Variants in KLF8 observed in about 807,000 individuals in gnomAD.
KLF8 encodes the protein Krueppel-like factor 8.
A neutral mutation model predicts 18.2 loss-of-function variants in KLF8; 10 were observed. The observed-to-expected ratio is 0.55, with a 90% CI of 0.34 to 0.93. The LOEUF (loss-of-function observed/expected upper bound fraction) is 0.93. Among genes scored for constraint, KLF8 ranks in the 40% least tolerant of loss-of-function variants. The pLI is 0.02. For synonymous variants in KLF8, 109 were observed against 97.3 expected, an observed-to-expected ratio of 1.12 and a Z score of -0.71; for missense variants, 264 against 277.9, an observed-to-expected ratio of 0.95 and a Z score of 0.36.
the KLF8 span, among the ~76,000 whole-genome samples, chrX:56,049,462 A>T: frequency 4.5e-4 from 49 of 110,098 alleles, no homozygotes; most frequent in Middle Eastern, 9.3e-3. Context: ...ATCTATTGAG[A>T]GTTTTTAGCA....
At chrX:55,981,054 TTGG>T in the KLF8 span, among the ~76,000 whole-genome samples, 2 of 111,483 alleles carry the variant, frequency 1.8e-5, no homozygotes, top group Non-Finnish European at 3.8e-5. Context: ...ATAGCCAGGC[TTGG>T]TGGCGTGTGC....
chrX:56,269,608 A>G lies in KLF8; in HGVS notation c.758+119A>G, dbSNP rs2067024846. 2 of 1,021,061 alleles carry G rather than the reference A, an allele frequency of 2.0e-6. 1 individual carries two copies. Among genetic ancestry groups the G allele is most frequent in the Non-Finnish European group, 2.5e-6 (2 of 799,360 alleles). 84.1% of individuals were successfully genotyped at this position (1,021,061 alleles called of 1,213,427 possible). ...CAGACACAAGAGTAAGAATTTGAGG[A>G]CAAGAAATATAGGGAGACTGCCTTT... On this transcript the variant is annotated intron_variant, in intron 4 of 5. Transcript: ENST00000468660.
the KLF8 span, among the ~76,000 whole-genome samples, chrX:56,175,145 A>G: frequency 9.1e-6 from 1 of 109,975 alleles, no homozygotes; most frequent in East Asian, 2.8e-4. Flanking sequence ...CTAGCTTTTG[A>G]ATGTGTTTGC....
chrX:56,215,982 G>GT, the KLF8 span, among the ~76,000 whole-genome samples: 5 of 106,983 alleles, frequency 4.7e-5, no homozygotes, highest in Non-Finnish European at 7.7e-5. Context: ...CCCCAAACAT[G>GT]TTTTTTTTAA....
At chrX:55,968,020 C>T in the KLF8 span, among the ~76,000 whole-genome samples, 1 of 111,349 alleles carries the variant, frequency 9.0e-6, no homozygotes, top group Non-Finnish European at 1.9e-5. Context: ...AAGAAACATA[C>T]AATAGATACA....
chrX:55,968,487 A>C, the KLF8 span, among the ~76,000 whole-genome samples: 21 of 112,192 alleles, frequency 1.9e-4, no homozygotes, highest in African/African-American at 6.8e-4. Flanking sequence ...AAGTATAAGA[A>C]GAGACAAAGA....
At chrX:56,049,616 C>G in the KLF8 span, among the ~76,000 whole-genome samples, 1 of 101,668 alleles carries the variant, frequency 9.8e-6, no homozygotes, top group Admixed American at 1.1e-4. Flanking sequence ...AGGGATGAAG[C>G]CCACTTGATC....
At chrX:56,144,886 G>A in the KLF8 span, among the ~76,000 whole-genome samples, 2 of 107,928 alleles carry the variant, frequency 1.9e-5, no homozygotes, top group East Asian at 3.0e-4. Flanking sequence ...TCTGCCTCCC[G>A]GGATCAAGCG....
the KLF8 span, among the ~76,000 whole-genome samples, chrX:56,061,986 C>CTTTTTTTTTTTTT: frequency 3.2e-4 from 18 of 57,117 alleles, 3 homozygotes; most frequent in African/African-American, 1.7e-3. Flanking sequence ...GCAACCCCTG[C>CTTTTTTTTTTTTT]TTTTTTTTTT....
the KLF8 span, among the ~76,000 whole-genome samples, chrX:55,909,302 T>C: frequency 6.3e-3 from 713 of 112,772 alleles, 1 homozygote; most frequent in Non-Finnish European, 0.011. Context: ...AATATCCGTG[T>C]GGTTCTTAGG....
the KLF8 span, among the ~76,000 whole-genome samples, chrX:56,025,729 G>A: frequency 2.7e-5 from 3 of 111,535 alleles, no homozygotes; most frequent in East Asian, 2.8e-4. Flanking sequence ...TTCAAATACC[G>A]TGATCATGGG....
chrX:56,200,189 A>G, the KLF8 span, among the ~76,000 whole-genome samples: 1 of 110,369 alleles, frequency 9.1e-6, no homozygotes, highest in Admixed American at 9.7e-5. Flanking sequence ...TATGTACCAA[A>G]CCTGCTCATT....
At chrX:56,070,149 G>A in the KLF8 span, among the ~76,000 whole-genome samples, 1 of 111,551 alleles carries the variant, frequency 9.0e-6, no homozygotes, top group Non-Finnish European at 1.9e-5. Context: ...ACTAACACAG[G>A]AACAGAAAAC....
the KLF8 span, among the ~76,000 whole-genome samples, chrX:56,063,770 C>A: frequency 9.0e-6 from 1 of 111,134 alleles, no homozygotes; most frequent in Non-Finnish European, 1.9e-5. Flanking sequence ...CCCCTTCTCC[C>A]AGGTGCTCTG....
chrX:56,188,242 C>T, the KLF8 span, among the ~76,000 whole-genome samples: 2 of 111,215 alleles, frequency 1.8e-5, no homozygotes, highest in African/African-American at 6.5e-5. Context: ...AAACAGACAG[C>T]CAAATCATGA....
chrX:56,053,320 A>T, the KLF8 span, among the ~76,000 whole-genome samples: 2 of 111,157 alleles, frequency 1.8e-5, no homozygotes, highest in African/African-American at 6.5e-5. Flanking sequence ...ACATTTTTTG[A>T]GTTGTGTATG....
the KLF8 span, among the ~76,000 whole-genome samples, chrX:56,127,360 A>G: frequency 1.8e-5 from 2 of 111,340 alleles, no homozygotes; most frequent in Non-Finnish European, 3.8e-5. Context: ...ACTACAGATA[A>G]AACATGAGCT....
chrX:55,941,374 T>C, the KLF8 span, among the ~76,000 whole-genome samples: 1 of 111,680 alleles, frequency 9.0e-6, no homozygotes, highest in Non-Finnish European at 1.9e-5. Flanking sequence ...TTAATTCAAG[T>C]TGGATGAAAG....
the KLF8 span, among the ~76,000 whole-genome samples, chrX:56,025,995 G>A: frequency 8.9e-6 from 1 of 112,476 alleles, no homozygotes; most frequent in Non-Finnish European, 1.9e-5. Flanking sequence ...TAAGTCCCAT[G>A]ACAATTTTCC....
Sources: allele counts gnomAD v4.1 joint callset (sites outside exome capture counted in the v4.1 genomes callset), GRCh38; gene constraint gnomAD v4.1.1; transcripts MANE v1.5; gene names NCBI Gene and HGNC (gene_info 2026-07-23, HGNC 2026-07-21).